The following CCDC171 variants were observed in gnomAD, a reference collection of about 807,000 sequenced individuals.
The protein encoded by CCDC171 is coiled-coil domain-containing protein 171.
In CCDC171, 177 loss-of-function variants were observed where a neutral mutation model predicts 168.2. The ratio of observed to expected loss-of-function variants is 1.05; its 90% CI spans 0.93 to 1.19. The LOEUF is 1.19. Among genes scored for constraint, CCDC171 ranks in the 50% most tolerant of loss-of-function variants. The pLI is 0.00. For missense variants in CCDC171, 1,991 were observed against 1,539.0 expected (o/e 1.29, Z -4.91); for synonymous variants, 687 against 540.8 (o/e 1.27, Z -3.75).
At position 15,666,208 on chromosome 9, in the gene CCDC171, A is replaced by C. The variant is rs773194320; in HGVS notation, c.961A>C (p.Ser321Arg). Reference protein sequence around the residue: ...LEGALQVEKASQAEAVADLEI... With the variant: ...LEGALQVEKARQAEAVADLEI... ...AGGAGCTTTGCAAGTAGAGAAGGCC[A>C]GTCAAGCAGAAGCTGTTGCTGATTT... Residue 321 changes from serine to arginine, a missense_variant, in exon 9 of 26, where the codon AGT becomes CGT. By Grantham distance (110) the Ser-to-Arg change is moderately radical (BLOSUM62 -1). Transcript: ENST00000380701. The C allele has an allele frequency of 3.8e-5, 62 of 1,613,808 alleles. No individual in the cohort carries two copies. In the East Asian group the frequency reaches 1.4e-3, roughly 35 times the overall value.
At chr9:15,993,584 A>C (rs936313606) in intron 3 of CCDC171, among the ~76,000 whole-genome samples, 1 of 152,228 alleles carries the variant, frequency 6.6e-6, no homozygotes, top group East Asian at 1.9e-4. Flanking sequence ...AAAAGCCAAA[A>C]TTGACAAATG....
chr9:16,083,929 T>A, the CCDC171 span, among the ~76,000 whole-genome samples: 1 of 152,198 alleles, frequency 6.6e-6, no homozygotes, highest in East Asian at 1.9e-4. Flanking sequence ...CTCACCATGT[T>A]TTCTTGTTTG....
At chr9:15,674,418 G>T (rs1173976845) in intron 9 of CCDC171, among the ~76,000 whole-genome samples, 1 of 151,982 alleles carries the variant, frequency 6.6e-6, no homozygotes, top group Admixed American at 6.6e-5. Flanking sequence ...GAATTTGATT[G>T]CTCTTGCTTC....
At chr9:15,905,048 C>G (rs1298649233) in intron 24 of CCDC171, among the ~76,000 whole-genome samples, 4 of 147,184 alleles carry the variant, frequency 2.7e-5, no homozygotes, top group African/African-American at 7.6e-5. Context: ...TACAAAGAGA[C>G]TTAGACTCCC....
At chr9:16,011,878 T>C (rs1832878091) in intron 3 of CCDC171, among the ~76,000 whole-genome samples, 1 of 152,200 alleles carries the variant, frequency 6.6e-6, no homozygotes, top group Non-Finnish European at 1.5e-5. Flanking sequence ...AGTCAGAAGA[T>C]TGTCTTGGTT....
At position 15,745,588 on chromosome 9, in the gene CCDC171, A is replaced by G. The variant is rs2055213906; in HGVS notation, c.2628A>G (p.Ile876Met). The G allele has an allele frequency of 6.3e-7, 1 of 1,587,180 alleles. No individual in the cohort carries two copies. Among genetic ancestry groups the G allele is most frequent in the Non-Finnish European group, 8.6e-7 (1 of 1,168,646 alleles). ...CCAGTTCTGACCTTCTTGCTGCAAT[A>G]ATCAGTTCTATGGCTGAATTACAAG... ...WLTSSDLLAA[I>M]ISSMAELQDV... The change falls in exon 18 of 26, where the codon ATA (isoleucine) becomes ATG (methionine). Residue 876 changes from isoleucine to methionine, a missense_variant. Ile to Met is a conservative substitution (Grantham distance 10, BLOSUM62 1). Coordinates refer to ENST00000380701, the MANE Select transcript of CCDC171 (RefSeq NM_173550.4).
chr9:15,694,208 C>G (rs1364030065), intron 10 of CCDC171, among the ~76,000 whole-genome samples: 1 of 152,026 alleles, frequency 6.6e-6, no homozygotes, highest in Non-Finnish European at 1.5e-5. Flanking sequence ...TAAGACTTGT[C>G]CTAGGCTCTT....
chr9:16,062,391 G>A (rs1447776552), downstream of CCDC171, among the ~76,000 whole-genome samples: 1 of 152,018 alleles, frequency 6.6e-6, no homozygotes, highest in African/African-American at 2.4e-5. Context: ...TAGACACCAG[G>A]GACAACTTGA....
At chr9:15,920,080 T>C (rs1364160581) in intron 24 of CCDC171, among the ~76,000 whole-genome samples, 190 bp from the exon 25 acceptor site, 1 of 151,698 alleles carries the variant, frequency 6.6e-6, no homozygotes, top group African/African-American at 2.4e-5. Flanking sequence ...GTCTCAATTA[T>C]TTTCTCACAA....
intron 10 of CCDC171, among the ~76,000 whole-genome samples, chr9:15,684,913 C>T (rs1404651204): frequency 6.6e-6 from 1 of 152,138 alleles, no homozygotes; most frequent in Admixed American, 6.5e-5. Context: ...TTCATCACAG[C>T]ATTTAAAGTA....
chr9:15,952,229 A>C (rs1019388678), intron 25 of CCDC171, among the ~76,000 whole-genome samples: 1 of 152,066 alleles, frequency 6.6e-6, no homozygotes, highest in Admixed American at 6.6e-5. Context: ...ATTCTGTTCT[A>C]TTGGTCTCTA....
intron 7 of CCDC171, among the ~76,000 whole-genome samples, chr9:15,642,048 C>A (rs889372815): frequency 2.0e-5 from 3 of 151,872 alleles, no homozygotes; most frequent in African/African-American, 7.3e-5. Flanking sequence ...CTTGTGGTCC[C>A]AGCTACTCAG....
At chr9:15,719,617 A>C (rs1270175395) in intron 11 of CCDC171, among the ~76,000 whole-genome samples, 1 of 152,218 alleles carries the variant, frequency 6.6e-6, no homozygotes, top group East Asian at 1.9e-4. Flanking sequence ...TTGTACTTCA[A>C]CTAAACTTTA....
chr9:16,078,966 A>G, the CCDC171 span, among the ~76,000 whole-genome samples: 1 of 152,260 alleles, frequency 6.6e-6, no homozygotes, highest in African/African-American at 2.4e-5. Flanking sequence ...AGGGGTCACC[A>G]CTAGATATTT....
chr9:15,594,624 A>G (rs978256673), intron 6 of CCDC171, among the ~76,000 whole-genome samples: 1 of 152,176 alleles, frequency 6.6e-6, no homozygotes, highest in Non-Finnish European at 1.5e-5. Flanking sequence ...CGAGGCTTCT[A>G]TAGTCCAATT....
chr9:15,594,050 GA>G lies in CCDC171; in HGVS notation c.558del (p.Lys186AsnfsTer38). On this transcript the variant is annotated frameshift_variant, in exon 6 of 26. Transcript: ENST00000380701. LOFTEE classifies it high-confidence loss of function. Reference sequence around the variant, plus strand: ...TTTTATTTATATAAAGGAAGCGTTGGAAAAACATCAACGGGAGAAGAATGAG... The same window carrying G: ...TTTTATTTATATAAAGGAAGCGTTGGAAAACATCAACGGGAGAAGAATGAG... ...RLEKTLQEAL[E>X]KHQREKNEME... 6.3e-7 allele frequency: 1 copy of G among 1,586,452 alleles called. No homozygotes were observed. The highest frequency in any genetic ancestry group is 1.2e-5 in the South Asian group (1 of 86,266).
intron 18 of CCDC171, among the ~76,000 whole-genome samples, chr9:15,751,604 C>T (rs1428137500): frequency 6.6e-6 from 1 of 152,088 alleles, no homozygotes; most frequent in Non-Finnish European, 1.5e-5. Context: ...GAAATAACAC[C>T]ACACATCTAC....
chr9:15,959,795 A>G (rs1410038711), intron 25 of CCDC171, among the ~76,000 whole-genome samples: 1 of 152,156 alleles, frequency 6.6e-6, no homozygotes, highest in Non-Finnish European at 1.5e-5. Flanking sequence ...ATGCAGACCT[A>G]TGGACTGGCA....
chr9:15,812,818 G>C (rs911682302), intron 21 of CCDC171, among the ~76,000 whole-genome samples: 3 of 152,158 alleles, frequency 2.0e-5, no homozygotes, highest in Non-Finnish European at 4.4e-5. Flanking sequence ...CTGAATGGGA[G>C]TGTTTGCTGT....
Sources: gnomAD v4.1 joint callset for allele counts (sites outside exome capture counted in the v4.1 genomes callset) on GRCh38, gnomAD v4.1.1 for gene constraint, MANE v1.5 for transcripts, NCBI Gene and HGNC (gene_info 2026-07-23, HGNC 2026-07-21) for gene names.